ELAVL4: variants seen among roughly 807,000 people sequenced by gnomAD.
ELAVL4 encodes ELAV-like protein 4.
In ELAVL4, 1 loss-of-function variant was observed where a neutral mutation model predicts 35.6. That is an observed-to-expected ratio of 0.03 (90% CI 0.01 to 0.13). The LOEUF (loss-of-function observed/expected upper bound fraction) is 0.13, where lower values mean the gene tolerates loss of function less well. ELAVL4 is among the 10% of genes least tolerant of loss of function. ELAVL4 has a pLI of 1.00. For missense variants in ELAVL4, 267 were observed against 464.9 expected (o/e 0.57, Z 3.91); for synonymous variants, 156 against 171.0 (o/e 0.91, Z 0.69).
At chr1:50,156,029 ACG>A (rs1553180456) in intron 2 of ELAVL4, among the ~76,000 whole-genome samples, 5 of 142,352 alleles carry the variant, frequency 3.5e-5, no homozygotes, top group East Asian at 4.6e-4. Context: ...GTGCACAGGC[ACG>A]CACACACACA....
intron 6 of ELAVL4, 84 bp from the exon 7 acceptor site, chr1:50,200,767 C>T: frequency 1.9e-6 from 3 of 1,557,660 alleles, no homozygotes; most frequent in East Asian, 2.3e-5. Context: ...AGCCCTCTGC[C>T]CCATGTCTGT....
intron 1 of ELAVL4, among the ~76,000 whole-genome samples, chr1:50,073,639 C>A (rs953324681): frequency 1.1e-3 from 166 of 152,138 alleles, no homozygotes; most frequent in African/African-American, 3.9e-3. Flanking sequence ...AGTGGATACA[C>A]ACACACATGC....
At chr1:50,050,570 G>A (rs539820982) in intron 1 of ELAVL4, among the ~76,000 whole-genome samples, 94 of 152,202 alleles carry the variant, frequency 6.2e-4, no homozygotes, top group African/African-American at 1.8e-3. Context: ...TACCTTCTTC[G>A]TAAGTTTATC....
At position 50,195,789 on chromosome 1, in the gene ELAVL4, A is replaced by G; in HGVS notation, c.734+3A>G. On this transcript the variant is annotated splice_donor_region_variant and intron_variant, in intron 5 of 6. Coordinates refer to ENST00000371824, the MANE Select transcript of ELAVL4 (RefSeq NM_001144774.3). Reference sequence around the variant, plus strand: ...CACCACCAGGCTCAGAGGTTCAGGTAGGCATGCCCAAAGAGGAAGAAGCCC... The same window carrying G: ...CACCACCAGGCTCAGAGGTTCAGGTGGGCATGCCCAAAGAGGAAGAAGCCC... The G allele has an allele frequency of 6.2e-7, 1 of 1,614,076 alleles. No homozygotes were observed. The highest frequency in any genetic ancestry group is 8.5e-7 in the Non-Finnish European group (1 of 1,179,944).
chr1:50,149,390 CA>C (rs796077396), intron 2 of ELAVL4, among the ~76,000 whole-genome samples: 31 of 134,076 alleles, frequency 2.3e-4, no homozygotes, highest in South Asian at 4.7e-4. Flanking sequence ...AACTCTGTCT[CA>C]AAAAAAAAAG....
upstream of ELAVL4, among the ~76,000 whole-genome samples, chr1:50,107,074 A>G (rs1457528358): frequency 2.0e-5 from 3 of 152,150 alleles, no homozygotes; most frequent in African/African-American, 7.2e-5. Context: ...ATATTTTAAT[A>G]TTGGTGAAAT....
rs547381057 is a variant in ELAVL4 at position 50,137,112 on chromosome 1, G to C, written c.10-7845G>C. ...TAAACCTTGCTATTAAGAAGTAAAA[G>C]AGTGTTAGTCTACACTGAAGTATTC... On this transcript the variant is annotated intron_variant, in intron 1 of 6. Transcript: ENST00000371824. 2.4e-4 allele frequency among the ~76,000 whole-genome samples: 37 copies of C among 152,296 alleles called. No individual in the cohort carries two copies. In the South Asian group the frequency reaches 7.0e-3, roughly 29 times the overall value.
Position 50,059,677 on chromosome 1 carries a change from A to G in ELAVL4, c.18+11495A>G, listed in dbSNP as rs921606681. Among the ~76,000 whole-genome samples the G allele has an allele frequency of 2.8e-4, 43 of 152,360 alleles. 1 individual carries two copies. Among genetic ancestry groups the G allele is most frequent in the African/African-American group, 9.9e-4 (41 of 41,586 alleles). On this transcript the variant is annotated intron_variant, in intron 1 of 6. Transcript: ENST00000448907. ...GTACACACATGTTCATAGAGGCATTATTCATAAATGGCCAAAAGGTAGAAA... is the reference window on the plus strand; with the variant it reads ...GTACACACATGTTCATAGAGGCATTGTTCATAAATGGCCAAAAGGTAGAAA...
At chr1:50,113,367 A>T (rs1667403948) in intron 1 of ELAVL4, among the ~76,000 whole-genome samples, 1 of 151,954 alleles carries the variant, frequency 6.6e-6, no homozygotes, top group Non-Finnish European at 1.5e-5. Flanking sequence ...CCTTATTTTA[A>T]TTTTTTTAAA....
rs1682802025 is a variant in ELAVL4, at chr1:50,192,513, G to GTGCA, written c.355-1251_355-1248dup. Among the ~76,000 whole-genome samples, 3 of 111,702 alleles carry GTGCA rather than the reference G, an allele frequency of 2.7e-5. No individual in the cohort carries two copies. In the South Asian group the frequency reaches 9.7e-4, roughly 36 times the overall value. The allele number at this position is 111,702 out of a possible 152,430, so 73.3% of individuals were successfully genotyped here. ...ATTCCTTTTGCACACATGCTTTTGT[G>GTGCA]TGCACGCACACACACACACACACAC... On this transcript the variant is annotated intron_variant, in intron 3 of 6. Coordinates refer to ENST00000371824, the MANE Select transcript of ELAVL4 (RefSeq NM_001144774.3).
At chr1:50,109,608 A>G (rs527848873) in intron 1 of ELAVL4, 13 of 417,234 alleles carry the variant, frequency 3.1e-5, no homozygotes, top group East Asian at 1.7e-4. Context: ...GAATCTCTCA[A>G]TTTCCGTGCT....
intron 1 of ELAVL4, among the ~76,000 whole-genome samples, chr1:50,114,238 A>AT (rs896695504): frequency 1.5e-4 from 23 of 152,112 alleles, no homozygotes; most frequent in African/African-American, 4.6e-4. Flanking sequence ...GTGTATATGT[A>AT]TGGGGGGCGG....
intron 1 of ELAVL4, among the ~76,000 whole-genome samples, chr1:50,114,756 C>G (rs1037614126): frequency 6.6e-6 from 1 of 152,046 alleles, no homozygotes; most frequent in African/African-American, 2.4e-5. Context: ...GGGGGCACCA[C>G]AGATAAGCCA....
intron 1 of ELAVL4, among the ~76,000 whole-genome samples, chr1:50,064,459 G>A (rs969157221): frequency 6.6e-6 from 1 of 152,024 alleles, no homozygotes; most frequent in African/African-American, 2.4e-5. Flanking sequence ...CTATTGATTG[G>A]CATGACGTGG....
chr1:50,075,285 G>A (rs2148490801), intron 1 of ELAVL4, among the ~76,000 whole-genome samples: 1 of 152,250 alleles, frequency 6.6e-6, no homozygotes, highest in East Asian at 1.9e-4. Flanking sequence ...GGTATTGAAA[G>A]GTTTTAAGCA....
At chr1:50,080,092 T>C (rs1220028272) in intron 1 of ELAVL4, among the ~76,000 whole-genome samples, 2 of 152,192 alleles carry the variant, frequency 1.3e-5, no homozygotes, top group Non-Finnish European at 2.9e-5. Flanking sequence ...TTCTTGACTG[T>C]CTATCTATCT....
chr1:50,112,779 C>A (rs143092438), intron 1 of ELAVL4, among the ~76,000 whole-genome samples: 1 of 152,072 alleles, frequency 6.6e-6, no homozygotes, highest in African/African-American at 2.4e-5. Context: ...TCATTCAAGT[C>A]ATTCTCCTGG....
rs182340775 is a variant in ELAVL4, at chr1:50,070,918, A to T, written c.18+22736A>T. On this transcript the variant is annotated intron_variant, in intron 1 of 6. Transcript: ENST00000448907. ...ACTGTGGCTTGCAACATCCAGTATT[A>T]TCTGATCTCAACCTGCCTCTCAGAC... is the stretch of plus-strand genomic sequence containing the variant. 5.5e-4 allele frequency among the ~76,000 whole-genome samples: 83 copies of T among 152,284 alleles called. 1 individual carries two copies. Among genetic ancestry groups the T allele is most frequent in the Admixed American group, 4.4e-3 (67 of 15,302 alleles).
intron 1 of ELAVL4, among the ~76,000 whole-genome samples, chr1:50,053,062 C>T (rs1316784905): frequency 4.6e-5 from 7 of 152,034 alleles, no homozygotes; most frequent in East Asian, 3.9e-4. Context: ...TAATTGCAAA[C>T]GCTTATTATC....
Sources: allele counts gnomAD v4.1 joint callset (sites outside exome capture counted in the v4.1 genomes callset), GRCh38; gene constraint gnomAD v4.1.1; transcripts MANE v1.5; gene names NCBI Gene and HGNC (gene_info 2026-07-23, HGNC 2026-07-21).